TPTE2: variants seen among roughly 807,000 people sequenced by gnomAD.
TPTE2 encodes the protein phosphatidylinositol 3,4,5-trisphosphate 3-phosphatase TPTE2.
Under a neutral mutation model 78.6 loss-of-function variants are expected in TPTE2, and 53 were observed. The ratio of observed to expected loss-of-function variants is 0.67; its 90% CI spans 0.54 to 0.85. TPTE2 has a LOEUF of 0.85. TPTE2 is among the 40% of genes least tolerant of loss of function. TPTE2 has a pLI of 0.00. For missense variants in TPTE2, 461 were observed against 623.0 expected (o/e 0.74, Z 2.77); for synonymous variants, 175 against 206.2 (o/e 0.85, Z 1.30).
At chr13:19,546,820 C>T in the TPTE2 span, among the ~76,000 whole-genome samples, 42 of 151,292 alleles carry the variant, frequency 2.8e-4, no homozygotes, top group African/African-American at 9.5e-4. Context: ...AAAAATATGG[C>T]ATCAGAAACA....
Position 19,493,653 on chromosome 13 carries a change from C to T in TPTE2, c.12-152G>A, listed in dbSNP as rs201317202. The T allele has an allele frequency of 1.6e-4, 123 of 758,072 alleles. 1 individual carries two copies. Among genetic ancestry groups the T allele is most frequent in the Admixed American group, 1.9e-4 (10 of 51,546 alleles). The allele number at this position is 758,072 out of a possible 1,614,324, so 47.0% of individuals were successfully genotyped here. ...ATTGGAACCTGGAATGTCTATTTTT[C>T]TTTATTAGAAATGAGGATGTATATG... is the stretch of plus-strand genomic sequence containing the variant. On this transcript the variant is annotated intron_variant, in intron 1 of 19. Transcript: ENST00000400230.
At chr13:19,484,707 A>G (rs994007545) in intron 3 of TPTE2, among the ~76,000 whole-genome samples, 13 of 152,158 alleles carry the variant, frequency 8.5e-5, no homozygotes, top group African/African-American at 2.7e-4. Flanking sequence ...TTCTTGCTGA[A>G]TTGAACCCTT....
chr13:19,436,078 C>T (rs1877060766), intron 15 of TPTE2, 148 bp downstream of exon 18: 6 of 625,298 alleles, frequency 9.6e-6, no homozygotes, highest in Non-Finnish European at 1.4e-5. Context: ...GACCCTCAGA[C>T]TCAGGGAGGG....
chr13:19,502,687 T>A (rs1326710133), intron 1 of TPTE2, among the ~76,000 whole-genome samples: 5 of 151,328 alleles, frequency 3.3e-5, no homozygotes, highest in African/African-American at 1.2e-4. Flanking sequence ...CTGGGAGATA[T>A]ACCTAATGCT....
chr13:19,513,451 C>A (rs1844313), intron 1 of TPTE2, among the ~76,000 whole-genome samples: 6 of 152,336 alleles, frequency 3.9e-5, no homozygotes, highest in African/African-American at 1.4e-4. Context: ...TCTCCAGTAT[C>A]TATTATGTCA....
At chr13:19,459,075 A>G (rs1215800191) in intron 10 of TPTE2, among the ~76,000 whole-genome samples, 1 of 152,054 alleles carries the variant, frequency 6.6e-6, no homozygotes, top group African/African-American at 2.4e-5. Flanking sequence ...CAACCTTCCC[A>G]GCATCTGTTA....
intron 1 of TPTE2, among the ~76,000 whole-genome samples, chr13:19,528,577 A>G (rs7330456): frequency 0.76 from 116,247 of 152,090 alleles, 46,248 homozygotes; most frequent in East Asian, 0.96. Context: ...GGTATAGACA[A>G]GACTGTTTAA....
chr13:19,561,040 G>T, the TPTE2 span: 93 of 1,574,620 alleles, frequency 5.9e-5, no homozygotes, highest in Non-Finnish European at 7.8e-5. Flanking sequence ...GCTTGGACAG[G>T]GAGCTGAGCA....
At chr13:19,454,043 C>T (rs1878379789) in intron 10 of TPTE2, among the ~76,000 whole-genome samples, 1 of 152,134 alleles carries the variant, frequency 6.6e-6, no homozygotes, top group African/African-American at 2.4e-5. Context: ...GTATACCTTC[C>T]GTACTTGCAT....
intron 3 of TPTE2, among the ~76,000 whole-genome samples, chr13:19,490,127 C>T (rs1360140009): frequency 6.6e-6 from 1 of 152,106 alleles, no homozygotes; most frequent in Non-Finnish European, 1.5e-5. Flanking sequence ...TCTAATGAAT[C>T]ACAACTTAAG....
chr13:19,560,756 A>C, the TPTE2 span: 52 of 1,478,154 alleles, frequency 3.5e-5, no homozygotes, highest in African/African-American at 7.4e-4. Flanking sequence ...CCAGCAGGGA[A>C]GGCGCCCGGG....
intron 1 of TPTE2, among the ~76,000 whole-genome samples, chr13:19,514,266 C>G (rs1869644891): frequency 6.6e-6 from 1 of 152,158 alleles, no homozygotes; most frequent in Admixed American, 6.6e-5. Context: ...TTTCTCCACT[C>G]TGGTTCAAAA....
At chr13:19,487,079 G>A (rs564535255) in intron 3 of TPTE2, among the ~76,000 whole-genome samples, 2 of 152,314 alleles carry the variant, frequency 1.3e-5, no homozygotes, top group Admixed American at 6.5e-5. Flanking sequence ...TCTCAGGCTC[G>A]TGCAAGGTTG....
intron 1 of TPTE2, among the ~76,000 whole-genome samples, chr13:19,510,969 A>G (rs1869392363): frequency 6.6e-6 from 1 of 152,250 alleles, no homozygotes; most frequent in Non-Finnish European, 1.5e-5. Flanking sequence ...TGATTATGTC[A>G]AGTGTTGTTG....
intron 13 of TPTE2, among the ~76,000 whole-genome samples, chr13:19,441,730 C>T (rs962446075): frequency 6.6e-6 from 1 of 152,180 alleles, no homozygotes; most frequent in Admixed American, 6.5e-5. Context: ...ACAGCATTTT[C>T]TTTAAAGCCT....
At chr13:19,491,935 C>A (rs1398389541) in intron 3 of TPTE2, among the ~76,000 whole-genome samples, 1 of 152,108 alleles carries the variant, frequency 6.6e-6, no homozygotes, top group Non-Finnish European at 1.5e-5. Context: ...ATGCTACATA[C>A]AAAACTCACA....
upstream of TPTE2, among the ~76,000 whole-genome samples, chr13:19,540,400 G>A (rs1040366832): frequency 6.6e-6 from 1 of 151,562 alleles, no homozygotes; most frequent in Non-Finnish European, 1.5e-5. Flanking sequence ...AACCTCCCAG[G>A]TTCAAGCGAT....
intron 1 of TPTE2, among the ~76,000 whole-genome samples, chr13:19,497,888 G>C (rs1881488645): frequency 6.6e-6 from 1 of 151,288 alleles, no homozygotes; most frequent in African/African-American, 2.4e-5. Context: ...AGGCAAAGAA[G>C]TTGAAAACTT....
upstream of TPTE2, among the ~76,000 whole-genome samples, chr13:19,506,636 G>A (rs530364184): frequency 8.5e-5 from 13 of 152,290 alleles, no homozygotes; most frequent in South Asian, 6.2e-4. Context: ...CTCTAGACAT[G>A]AGTCTACCTG....
Sources: allele counts gnomAD v4.1 joint callset (sites outside exome capture counted in the v4.1 genomes callset), GRCh38; gene constraint gnomAD v4.1.1; transcripts MANE v1.5; gene names NCBI Gene and HGNC (gene_info 2026-07-23, HGNC 2026-07-21).